The following EDA variants were observed in gnomAD, a reference collection of about 807,000 sequenced individuals.
The protein encoded by EDA is ectodysplasin-A.
Under a neutral mutation model 23.6 loss-of-function variants are expected in EDA, and 2 were observed. That is an observed-to-expected ratio of 0.08 (90% confidence interval 0.03 to 0.27). The LOEUF (loss-of-function observed/expected upper bound fraction) is 0.27, where lower values mean the gene tolerates loss of function less well. EDA is among the 10% of genes least tolerant of loss of function. The pLI, the probability that EDA is intolerant of heterozygous loss-of-function variation, is 1.00. For missense variants in EDA, 229 were observed against 324.2 expected (o/e 0.71, Z 2.26); for synonymous variants, 131 against 132.0 (o/e 0.99, Z 0.05).
chrX:69,619,135 A>G (rs1209689089), intron 1 of EDA, among the ~76,000 whole-genome samples: 1 of 112,211 alleles, frequency 8.9e-6, no homozygotes, highest in African/African-American at 3.2e-5. Flanking sequence ...TCATATTTTT[A>G]TATTTTAGTT....
intron 2 of EDA, among the ~76,000 whole-genome samples, chrX:69,978,630 C>T (rs2019358285): frequency 9.0e-6 from 1 of 111,012 alleles, no homozygotes; most frequent in Non-Finnish European, 1.9e-5. Flanking sequence ...GTGCAATCAT[C>T]ACCACAATTT....
At chrX:69,643,629 A>G (rs1932867688) in intron 1 of EDA, among the ~76,000 whole-genome samples, 1 of 111,314 alleles carries the variant, frequency 9.0e-6, no homozygotes, top group South Asian at 3.8e-4. Flanking sequence ...CCATTTGTCA[A>G]TTTTTGCTTT....
intron 1 of EDA, among the ~76,000 whole-genome samples, chrX:69,706,380 G>T (rs960746440): frequency 3.6e-5 from 4 of 111,854 alleles, no homozygotes; most frequent in Non-Finnish European, 7.5e-5. Context: ...TAAGCAAAAA[G>T]GTTAATAAAT....
chrX:69,677,390 T>A (rs1197806571), intron 1 of EDA, among the ~76,000 whole-genome samples: 1 of 111,530 alleles, frequency 9.0e-6, no homozygotes, highest in Non-Finnish European at 1.9e-5. Context: ...TCTAGATCCC[T>A]GAGGAATCGC....
rs727505160 is a variant in EDA, at chrX:69,616,509, G to T, written c.201G>T (p.Glu67Asp). ...GCTGCTACCTAGAGTTGCGCTCGGA[G>T]TTGCGGCGGGAACGTGGAGCCGAGT... ...TLCCYLELRS[E>D]LRRERGAESR... Residue 67 changes from glutamate to aspartate, a missense_variant, in exon 1 of 8, where the codon GAG becomes GAT. Glu to Asp is a conservative substitution (Grantham distance 45). Around this residue, in one of 2 missense-constraint regions of EDA, gnomAD observed 175 missense variants for 281.8 expected, o/e 0.62. Coordinates refer to ENST00000374552, the MANE Select transcript of EDA (RefSeq NM_001399.5). 1 of 1,211,799 alleles carries T rather than the reference G, an allele frequency of 8.3e-7. No individual in the cohort carries two copies. The highest frequency in any genetic ancestry group is 2.2e-5 in the Admixed American group (1 of 46,148).
chrX:69,955,780 G>C (rs1317260951), intron 1 of EDA, among the ~76,000 whole-genome samples: 1 of 111,654 alleles, frequency 9.0e-6, no homozygotes, highest in Non-Finnish European at 1.9e-5. Context: ...TTACTGATGA[G>C]GAAACTAAAG....
At chrX:69,699,264 C>G (rs144212386) in intron 1 of EDA, among the ~76,000 whole-genome samples, 1 of 111,177 alleles carries the variant, frequency 9.0e-6, no homozygotes, top group Non-Finnish European at 1.9e-5. Context: ...TGAGGAAGAA[C>G]GAAGCACCCT....
intron 1 of EDA, among the ~76,000 whole-genome samples, chrX:69,834,905 C>T (rs1221963268): frequency 9.0e-6 from 1 of 111,316 alleles, no homozygotes; most frequent in Non-Finnish European, 1.9e-5. Flanking sequence ...GTAAGGCAGG[C>T]CTGGTGGTGA....
intron 2 of EDA, among the ~76,000 whole-genome samples, chrX:69,967,871 T>C (rs1035482728): frequency 8.9e-6 from 1 of 112,095 alleles, no homozygotes; most frequent in African/African-American, 3.2e-5. Context: ...GGATGCCTTA[T>C]TCAGTAAGAA....
At chrX:69,692,277 G>A (rs1177850570) in intron 1 of EDA, among the ~76,000 whole-genome samples, 2 of 111,467 alleles carry the variant, frequency 1.8e-5, no homozygotes, top group Non-Finnish European at 3.8e-5. Context: ...TTATGATTAG[G>A]TTATGATAGA....
At chrX:69,989,737 CA>C (rs2019555706) in intron 2 of EDA, among the ~76,000 whole-genome samples, 1 of 110,150 alleles carries the variant, frequency 9.1e-6, no homozygotes, top group Non-Finnish European at 1.9e-5. Context: ...TAAAAGTTGG[CA>C]AATGAGCTCA....
At chrX:69,682,332 G>T (rs958173720) in intron 1 of EDA, among the ~76,000 whole-genome samples, 1 of 112,699 alleles carries the variant, frequency 8.9e-6, no homozygotes, top group African/African-American at 3.2e-5. Context: ...GCCTCCTTGA[G>T]CTGTGGTGGG....
chrX:69,760,603 A>T (rs1432431571), intron 1 of EDA, among the ~76,000 whole-genome samples: 3 of 112,218 alleles, frequency 2.7e-5, no homozygotes, highest in African/African-American at 9.7e-5. Flanking sequence ...TCCAGCAAGG[A>T]TATCAGTTGG....
intron 1 of EDA, among the ~76,000 whole-genome samples, chrX:69,660,498 C>G (rs796124175): frequency 2.8e-5 from 3 of 108,720 alleles, no homozygotes; most frequent in Non-Finnish European, 5.7e-5. Flanking sequence ...CCACTCCCCC[C>G]ACCCCACAAC....
intron 1 of EDA, among the ~76,000 whole-genome samples, chrX:69,880,279 G>C (rs187018533): frequency 8.9e-6 from 1 of 111,838 alleles, no homozygotes; most frequent in Admixed American, 9.5e-5. Flanking sequence ...GTTTCTACCC[G>C]TCTCTTGACC....
At chrX:69,880,470 C>T (rs2017727608) in intron 1 of EDA, among the ~76,000 whole-genome samples, 2 of 111,937 alleles carry the variant, frequency 1.8e-5, no homozygotes, top group South Asian at 7.5e-4. Context: ...CATGTGACTT[C>T]CTGGTGACTC....
chrX:69,850,828 C>T (rs1023335071), intron 1 of EDA, among the ~76,000 whole-genome samples: 1 of 112,141 alleles, frequency 8.9e-6, no homozygotes, highest in Non-Finnish European at 1.9e-5. Flanking sequence ...ATGTATCATG[C>T]TGTTTTATGC....
At chrX:69,700,088 A>G (rs917584014) in intron 1 of EDA, among the ~76,000 whole-genome samples, 6 of 110,936 alleles carry the variant, frequency 5.4e-5, no homozygotes, top group African/African-American at 1.6e-4. Flanking sequence ...GTGCTTTCTT[A>G]GGGGAGACCT....
chrX:69,701,128 ACTGGCTTAC>A (rs1020320001), intron 1 of EDA, among the ~76,000 whole-genome samples: 6 of 111,648 alleles, frequency 5.4e-5, no homozygotes, highest in African/African-American at 2.0e-4. Flanking sequence ...AAAAAAGCAT[ACTGGCTTAC>A]CTGCCACCAT....
Sources: allele counts gnomAD v4.1 joint callset (sites outside exome capture counted in the v4.1 genomes callset), GRCh38; gene constraint gnomAD v4.1.1; regional missense constraint gnomAD v4.1.1; transcripts MANE v1.5; gene names NCBI Gene and HGNC (gene_info 2026-07-23, HGNC 2026-07-21).